The following DDX10 variants were observed in gnomAD, a reference collection of about 807,000 sequenced individuals.
DDX10 encodes probable ATP-dependent RNA helicase DDX10.
A neutral mutation model predicts 104.3 loss-of-function variants in DDX10; 74 were observed. The observed-to-expected ratio is 0.71, with a 90% CI of 0.59 to 0.86. The LOEUF is 0.86. Ranked by LOEUF, DDX10 falls within the 40% of genes least tolerant of loss-of-function variation. DDX10 has a pLI of 0.00. For synonymous variants in DDX10, 351 were observed against 353.4 expected (o/e 0.99, Z 0.08); for missense variants, 952 against 1,040.0 (o/e 0.92, Z 1.16).
At chr11:108,793,004 A>G (rs554846997) in intron 13 of DDX10, among the ~76,000 whole-genome samples, 5 of 152,226 alleles carry the variant, frequency 3.3e-5, no homozygotes, top group Non-Finnish European at 7.3e-5. Context: ...CAAAAGATCC[A>G]AAATGACAAT....
chr11:108,714,227 C>T (rs2094288365), intron 10 of DDX10, among the ~76,000 whole-genome samples: 1 of 152,130 alleles, frequency 6.6e-6, no homozygotes, highest in African/African-American at 2.4e-5. Context: ...ATTTCTCAGA[C>T]TTGTCCACAT....
intron 11 of DDX10, among the ~76,000 whole-genome samples, chr11:108,717,542 C>A (rs1291048064): frequency 1.3e-5 from 2 of 152,130 alleles, no homozygotes; most frequent in Admixed American, 6.5e-5. Flanking sequence ...AAACTCCTGG[C>A]CTCAAGTGAT....
chr11:108,678,485 G>T (rs768155695), intron 5 of DDX10, 50 bp downstream of exon 5: 10 of 1,471,162 alleles, frequency 6.8e-6, no homozygotes, highest in Middle Eastern at 1.8e-4. Context: ...TCAGACTTAG[G>T]AGAGAGCCCT....
At chr11:108,856,598 C>CTACTTTATGAA (rs1408291686) in intron 16 of DDX10, among the ~76,000 whole-genome samples, 2 of 152,116 alleles carry the variant, frequency 1.3e-5, no homozygotes, top group Non-Finnish European at 2.9e-5. Context: ...TTTCATAAAG[C>CTACTTTATGAA]AAAGCTAACT....
intron 16 of DDX10, among the ~76,000 whole-genome samples, chr11:108,869,179 T>C (rs1258187638): frequency 7.7e-6 from 1 of 130,260 alleles, no homozygotes; most frequent in Non-Finnish European, 1.6e-5. Context: ...CTCTGGTTCT[T>C]TCATTTTTAA....
At chr11:108,805,458 A>G (rs141852179) in intron 13 of DDX10, among the ~76,000 whole-genome samples, 1 of 152,268 alleles carries the variant, frequency 6.6e-6, no homozygotes, top group Non-Finnish European at 1.5e-5. Context: ...GAATAAGCAT[A>G]TACAGAAGAT....
chr11:108,818,132 C>T (rs1391102550), intron 13 of DDX10, among the ~76,000 whole-genome samples: 5 of 152,318 alleles, frequency 3.3e-5, no homozygotes, highest in South Asian at 2.1e-4. Context: ...CTCCTGTCAG[C>T]GTTCCCTGCC....
In DDX10 at chr11:108,804,587, G is replaced by A. The variant is rs1219071680; in HGVS notation, c.1966-33859G>A. On this transcript the variant is annotated intron_variant, in intron 13 of 17. Transcript: ENST00000322536. ...TGTTTATTATCTCTTGTTTTCTTTG[G>A]ATCAGAAGTCTGGGCACAGCTTAGC... Among the ~76,000 whole-genome samples the A allele has an allele frequency of 4.0e-5, 6 of 151,372 alleles. No individual in the cohort carries two copies. In the East Asian group the frequency reaches 1.2e-3, roughly 29 times the overall value.
chr11:108,682,071 G>A (rs958823273), intron 6 of DDX10, among the ~76,000 whole-genome samples: 6 of 151,882 alleles, frequency 4.0e-5, no homozygotes, highest in African/African-American at 1.2e-4. Flanking sequence ...TTTATAAAAT[G>A]TTTCTTTTCA....
At chr11:108,817,179 A>G (rs1195128954) in intron 13 of DDX10, among the ~76,000 whole-genome samples, 1 of 152,224 alleles carries the variant, frequency 6.6e-6, no homozygotes, top group East Asian at 1.9e-4. Flanking sequence ...TTAAGTGAGG[A>G]CTTGCTGTAT....
At chr11:108,784,466 C>T (rs1591817343) in intron 13 of DDX10, among the ~76,000 whole-genome samples, 1 of 152,228 alleles carries the variant, frequency 6.6e-6, no homozygotes, top group Non-Finnish European at 1.5e-5. Flanking sequence ...TCACTGCAGC[C>T]TTGATGTCCT....
At chr11:108,921,803 A>C (rs1327493698) in intron 17 of DDX10, 4 of 152,260 alleles carry the variant, frequency 2.6e-5, no homozygotes, top group African/African-American at 9.7e-5. Flanking sequence ...CTAAAAATAC[A>C]AAAAATTAGC....
intron 15 of DDX10, among the ~76,000 whole-genome samples, chr11:108,842,281 A>G (rs543460085): frequency 7.2e-5 from 11 of 152,320 alleles, no homozygotes; most frequent in African/African-American, 2.6e-4. Flanking sequence ...GACATTTTTT[A>G]AAGAACTTTC....
At chr11:108,729,225 C>G (rs1021613321) in intron 13 of DDX10, among the ~76,000 whole-genome samples, 2 of 152,108 alleles carry the variant, frequency 1.3e-5, no homozygotes, top group African/African-American at 4.8e-5. Context: ...CGACAGGGTT[C>G]TAAGAGGGCC....
At chr11:108,665,472 T>A in intron 1 of DDX10, 133 bp downstream of exon 1, 1 of 1,048,250 alleles carries the variant, frequency 9.5e-7, no homozygotes, top group Non-Finnish European at 1.3e-6. Context: ...TCACGCCGGG[T>A]GCCACAGCTC....
At chr11:108,813,607 G>A (rs77529971) in intron 13 of DDX10, among the ~76,000 whole-genome samples, 5,125 of 151,900 alleles carry the variant, frequency 0.034, 285 homozygotes, top group African/African-American at 0.12. Context: ...TGTCTTTTAT[G>A]GGTTCTAAAT....
intron 13 of DDX10, among the ~76,000 whole-genome samples, chr11:108,725,734 A>G (rs1415214692): frequency 2.0e-5 from 3 of 151,956 alleles, no homozygotes; most frequent in East Asian, 1.9e-4. Context: ...CTTTCTCCCA[A>G]TCTATGGCTT....
At chr11:108,800,018 G>A (rs1304507715) in intron 13 of DDX10, among the ~76,000 whole-genome samples, 2 of 152,014 alleles carry the variant, frequency 1.3e-5, no homozygotes, top group African/African-American at 4.8e-5. Flanking sequence ...GCTCACTATA[G>A]CCTCCAATTC....
rs1358230010 is a variant in DDX10, at chr11:108,700,078, A to G, written c.1223+6478A>G. 3.3e-5 allele frequency among the ~76,000 whole-genome samples: 5 copies of G among 152,146 alleles called. No individual in the cohort carries two copies. The South Asian group carries it at 8.3e-4, about 25-fold the overall frequency. ...TGAGGACTCTCACCTAGCAAATACC[A>G]TGTTTGTTTCCCTGGAGATCTGTCA... On this transcript the variant is annotated intron_variant, in intron 9 of 17. Coordinates refer to ENST00000322536, the MANE Select transcript of DDX10 (RefSeq NM_004398.4).
Sources: gnomAD v4.1 joint callset for allele counts (sites outside exome capture counted in the v4.1 genomes callset) on GRCh38, gnomAD v4.1.1 for gene constraint, MANE v1.5 for transcripts, NCBI Gene and HGNC (gene_info 2026-07-23, HGNC 2026-07-21) for gene names.